PMS2: variants seen among roughly 807,000 people sequenced by gnomAD.
PMS2 encodes the protein mismatch repair endonuclease PMS2.
PMS2 carries 69 observed loss-of-function variants against 90.0 expected under a neutral mutation model. The observed-to-expected ratio is 0.77, with a 90% CI of 0.63 to 0.94. The LOEUF (loss-of-function observed/expected upper bound fraction) is 0.94, where lower values mean the gene tolerates loss of function less well. Ranked by LOEUF, PMS2 falls within the 40% of genes least tolerant of loss-of-function variation. PMS2 has a pLI of 0.00. For missense variants in PMS2, 966 were observed against 1,040.2 expected (o/e 0.93, Z 0.98); for synonymous variants, 332 against 375.1 (o/e 0.89, Z 1.33).
chr7:6,002,645 G>C lies in PMS2; in HGVS notation c.354-9C>G, dbSNP rs2128819584. 2.5e-6 allele frequency: 4 copies of C among 1,607,760 alleles called. No individual in the cohort carries two copies. Among genetic ancestry groups the C allele is most frequent in the Non-Finnish European group, 3.4e-6 (4 of 1,175,976 alleles). ...TAGAAATGGTGACATCGCTGTGAGAGAATACCAGGCATGGTGTGTTCAGTG... is the reference window on the plus strand; with the variant it reads ...TAGAAATGGTGACATCGCTGTGAGACAATACCAGGCATGGTGTGTTCAGTG... On this transcript the variant is annotated splice_polypyrimidine_tract_variant and intron_variant, in intron 4 of 14. Transcript: ENST00000265849.
In PMS2 at chr7:5,999,196, A is replaced by G; in HGVS notation, c.617T>C (p.Leu206Pro). Residue 206 changes from leucine to proline, a missense_variant, in exon 6 of 15, where the codon CTT becomes CCT. Physicochemically the swap from Leu to Pro is moderately conservative, Grantham distance 98 (BLOSUM62 -3). This residue lies in a region of PMS2 where 871 missense variants were observed against 802.4 expected (regional missense o/e 1.09). Coordinates refer to ENST00000265849, the MANE Select transcript of PMS2 (RefSeq NM_000535.7). ...AGIRVSCTNQ[L>P]GQGKRQPVVC... is the part of the protein sequence containing the mutation. ...CACAGGCTGTCGTTTTCCTTGTCCA[A>G]GCTGATTGGTGCAACTTACACGGAT... 1 of 1,614,094 alleles carries G rather than the reference A, an allele frequency of 6.2e-7. No homozygotes were observed. The highest frequency in any genetic ancestry group is 1.1e-5 in the South Asian group (1 of 91,086).
At chr7:5,994,336 G>A (rs535205142) in intron 8 of PMS2, among the ~76,000 whole-genome samples, 8 of 150,192 alleles carry the variant, frequency 5.3e-5, no homozygotes, top group South Asian at 2.1e-4. Flanking sequence ...AGCCAAAATC[G>A]CACCATTGCA....
At chr7:5,998,795 G>T (rs997278912) in intron 6 of PMS2, among the ~76,000 whole-genome samples, 8 of 151,762 alleles carry the variant, frequency 5.3e-5, no homozygotes, top group African/African-American at 1.9e-4. Flanking sequence ...TTCGAGACCA[G>T]CCTGGCCAAC....
chr7:6,000,588 C>G (rs1342735816), intron 5 of PMS2, among the ~76,000 whole-genome samples: 1 of 152,070 alleles, frequency 6.6e-6, no homozygotes, highest in East Asian at 1.9e-4. Context: ...AATAGAAGTT[C>G]TACATTCCTG....
intron 2 of PMS2, chr7:6,004,374 C>T (rs560472439): frequency 2.1e-5 from 5 of 242,192 alleles, no homozygotes; most frequent in South Asian, 1.2e-4. Context: ...CCGCGTTGCA[C>T]TTTGACCATC....
chr7:5,987,661 T>C (rs1783197659), intron 10 of PMS2, 41 bp from the exon 11 acceptor site: 2 of 1,274,422 alleles, frequency 1.6e-6, no homozygotes, highest in South Asian at 1.2e-5. Flanking sequence ...GGGACTATCC[T>C]GAAATGGTGA....
chr7:5,993,605 G>A (rs1784019983), intron 8 of PMS2, among the ~76,000 whole-genome samples: 1 of 151,666 alleles, frequency 6.6e-6, no homozygotes, highest in South Asian at 2.1e-4. Flanking sequence ...GCTCATGCCT[G>A]TAATCCCAGC....
intron 8 of PMS2, among the ~76,000 whole-genome samples, chr7:5,992,866 C>G (rs1783922354): frequency 6.6e-6 from 1 of 152,102 alleles, no homozygotes; most frequent in Admixed American, 6.6e-5. Flanking sequence ...ATGAGAAATT[C>G]TAGTGAAATG....
intron 8 of PMS2, among the ~76,000 whole-genome samples, chr7:5,994,736 A>G (rs1784186178): frequency 6.6e-6 from 1 of 151,896 alleles, no homozygotes; most frequent in Non-Finnish European, 1.5e-5. Flanking sequence ...AGACCACGCC[A>G]CTGCACTCCA....
At chr7:6,000,230 C>T (rs990484464) in intron 5 of PMS2, among the ~76,000 whole-genome samples, 1 of 151,706 alleles carries the variant, frequency 6.6e-6, no homozygotes, top group African/African-American at 2.4e-5. Context: ...AAAAATTAGC[C>T]GGGCATGGTA....
chr7:5,973,202 C>T lies in PMS2; in HGVS notation c.*197G>A, dbSNP rs1367592971. 1 of 494,770 alleles carries T rather than the reference C, an allele frequency of 2.0e-6. No homozygotes were observed. The highest frequency in any genetic ancestry group is 2.3e-5 in the African/African-American group (1 of 44,108). 30.6% of individuals were successfully genotyped at this position (494,770 alleles called of 1,614,324 possible). On this transcript the variant is annotated 3_prime_UTR_variant, in exon 15 of 15. Transcript: ENST00000265849. ...CTGGACACACACACACGAGCGCATG[C>T]AAACATAGAGAAAAAAAATTTGCAA...
intron 12 of PMS2, among the ~76,000 whole-genome samples, 181 bp from the exon 13 acceptor site, chr7:5,978,877 T>C (rs1285663643): frequency 6.7e-6 from 1 of 149,358 alleles, no homozygotes; most frequent in Non-Finnish European, 1.5e-5. Context: ...AATTTTCTCT[T>C]TCTTAAAGTT....
chr7:5,990,316 T>G (rs769831056), intron 9 of PMS2, among the ~76,000 whole-genome samples: 3 of 152,240 alleles, frequency 2.0e-5, no homozygotes, highest in Non-Finnish European at 4.4e-5. Flanking sequence ...CCAAATTCAC[T>G]TTTAACAATA....
chr7:5,992,109 C>T, intron 8 of PMS2, 52 bp from the exon 9 acceptor site: 3 of 938,204 alleles, frequency 3.2e-6, no homozygotes, highest in Non-Finnish European at 5.3e-6. Context: ...GTTCCCAGCC[C>T]CCCGCATTCT....
intron 12 of PMS2, among the ~76,000 whole-genome samples, chr7:5,979,478 C>T (rs1482193664): frequency 1.3e-5 from 2 of 149,796 alleles, no homozygotes; most frequent in African/African-American, 4.9e-5. Flanking sequence ...TTTTCTGAAT[C>T]CTTTCCTTAA....
At position 5,994,254 on chromosome 7, in the gene PMS2, G is replaced by A. The variant is rs531308644; in HGVS notation, c.903+1280C>T. On this transcript the variant is annotated intron_variant, in intron 8 of 14. Coordinates refer to ENST00000265849, the MANE Select transcript of PMS2 (RefSeq NM_000535.7). ...AACTTAGCCGGGCGTGGTGGCGCGC[G>A]CCTGTAATCCCAGCTACTTGGGAGG... Among the ~76,000 whole-genome samples, 75 of 151,272 alleles carry A rather than the reference G, an allele frequency of 5.0e-4. 1 individual carries two copies. The highest frequency in any genetic ancestry group is 1.6e-3 in the African/African-American group (65 of 41,234).
At position 5,972,877 on chromosome 7, in the gene PMS2, T is replaced by C. The variant is rs1328914814; in HGVS notation, c.*522A>G. Reference sequence around the variant, plus strand: ...TGTTTTTTGAGACACAGTCTTGTTCTATCTCACCCAGGCTGGAGCGCAGTG... The same window carrying C: ...TGTTTTTTGAGACACAGTCTTGTTCCATCTCACCCAGGCTGGAGCGCAGTG... On this transcript the variant is annotated 3_prime_UTR_variant, in exon 15 of 15. Coordinates refer to ENST00000265849, the MANE Select transcript of PMS2 (RefSeq NM_000535.7). Among the ~76,000 whole-genome samples, 1 of 57,870 alleles carries C rather than the reference T, an allele frequency of 1.7e-5. No individual in the cohort carries two copies. The highest frequency in any genetic ancestry group is 9.0e-5 in the African/African-American group (1 of 11,064). The allele number at this position is 57,870 out of a possible 152,430, so 38.0% of individuals were successfully genotyped here.
At chr7:5,994,988 T>G (rs1255755841) in intron 8 of PMS2, among the ~76,000 whole-genome samples, 1 of 152,104 alleles carries the variant, frequency 6.6e-6, no homozygotes, top group African/African-American at 2.4e-5. Flanking sequence ...TGAAGTATGG[T>G]ATCTACTGCA....
rs755960629 is a variant in PMS2 at position 5,992,057 on chromosome 7, C to G, written c.904G>C (p.Val302Leu). Residue 302 changes from valine to leucine, a missense_variant and splice_region_variant, in exon 9 of 15, where the codon GTC becomes CTC. Val to Leu is a conservative substitution (Grantham distance 32). Around this residue, in one of 2 missense-constraint regions of PMS2, gnomAD observed 871 missense variants for 802.4 expected, o/e 1.09. Coordinates refer to ENST00000265849, the MANE Select transcript of PMS2 (RefSeq NM_000535.7). ...TAGACCTCATTCACGAGTCTGCAGACCTGCACAAAATACAAGGAGTAGAAA... is the reference window on the plus strand; with the variant it reads ...TAGACCTCATTCACGAGTCTGCAGAGCTGCACAAAATACAAGGAGTAGAAA... The part of the protein sequence containing the change: ...INRRPCDPAK[V>L]CRLVNEVYHM... The G allele has an allele frequency of 6.6e-7, 1 of 1,526,098 alleles. No individual in the cohort carries two copies. The highest frequency in any genetic ancestry group is 9.1e-7 in the Non-Finnish European group (1 of 1,100,042). 94.5% of individuals were successfully genotyped at this position (1,526,098 alleles called of 1,614,324 possible). A position where few individuals can be genotyped will look rare whatever the true frequency, so the allele number is the denominator to read the frequency against.
Sources: allele counts gnomAD v4.1 joint callset (sites outside exome capture counted in the v4.1 genomes callset), GRCh38; gene constraint gnomAD v4.1.1; regional missense constraint gnomAD v4.1.1; transcripts MANE v1.5; gene names NCBI Gene and HGNC (gene_info 2026-07-23, HGNC 2026-07-21).